Variants in STX1B observed in about 807,000 individuals in gnomAD.
The protein encoded by STX1B is syntaxin-1B.
Under a neutral mutation model 39.4 loss-of-function variants are expected in STX1B, and 7 were observed. That is an observed-to-expected ratio of 0.18 (90% CI 0.10 to 0.33). The LOEUF (loss-of-function observed/expected upper bound fraction) is 0.33. Ranked by LOEUF, STX1B falls within the 10% of genes least tolerant of loss-of-function variation. The pLI, the probability that STX1B is intolerant of heterozygous loss-of-function variation, is 1.00. For missense variants in STX1B, 198 were observed against 383.2 expected (o/e 0.52, Z 4.04); for synonymous variants, 136 against 144.1 (o/e 0.94, Z 0.40).
chr16:31,001,510 GGC>G lies in STX1B; in HGVS notation c.105+17_105+18del, dbSNP rs1341630439. ...TGCTGGGGCTGGGGCTGGGGCTGGG[GGC>G]CTTGGAGGCCCATTACCTGTTCAAA... On this transcript the variant is annotated intron_variant, in intron 2 of 9. Transcript: ENST00000215095. This position sits in a 1 kb window ranked among gnomAD's most constrained non-coding sequence, Gnocchi z 5.5. 6.3e-7 allele frequency: 1 copy of G among 1,590,884 alleles called. No individual in the cohort carries two copies. The highest frequency in any genetic ancestry group is 8.6e-7 in the Non-Finnish European group (1 of 1,167,046).
rs2056627307 is a variant in STX1B at position 31,001,316 on chromosome 16, G to A, written c.106-123C>T. ...AACGGCTGATAAAAGGCCAGGGAGG[G>A]TGCAGGAGCAGGGAAGTGGGGGACA... is the stretch of plus-strand genomic sequence containing the variant. On this transcript the variant is annotated intron_variant, in intron 2 of 9. Transcript: ENST00000215095. The surrounding 1 kb of genome is among the most constrained non-coding windows in gnomAD (Gnocchi z 5.5). 5.0e-6 allele frequency: 5 copies of A among 998,962 alleles called. No homozygotes were observed. The highest frequency in any genetic ancestry group is 2.7e-5 in the South Asian group (2 of 73,840). The allele number at this position is 998,962 out of a possible 1,614,324, so 61.9% of individuals were successfully genotyped here.
In STX1B at chr16:31,001,724, A is replaced by AGGAGGGGTCCTG. The variant is rs2056631308; in HGVS notation, c.31-133_31-122dup. The AGGAGGGGTCCTG allele has an allele frequency of 1.4e-6, 1 of 734,136 alleles. No individual in the cohort carries two copies. Among genetic ancestry groups the AGGAGGGGTCCTG allele is most frequent in the Non-Finnish European group, 2.2e-6 (1 of 450,422 alleles). The allele number at this position is 734,136 out of a possible 1,614,324, so 45.5% of individuals were successfully genotyped here. A position where few individuals can be genotyped will look rare whatever the true frequency, so the allele number is the denominator to read the frequency against. On this transcript the variant is annotated intron_variant, in intron 1 of 9. Coordinates refer to ENST00000215095, the MANE Select transcript of STX1B (RefSeq NM_052874.5). The surrounding 1 kb of genome is among the most constrained non-coding windows in gnomAD (Gnocchi z 5.5). Reference sequence around the variant, plus strand: ...CAGGTGCTCCCAGCTCTAGGCTCAGAGGAGGGGTCCTGGGAGGGGTCCCAT... The same window carrying AGGAGGGGTCCTG: ...CAGGTGCTCCCAGCTCTAGGCTCAGAGGAGGGGTCCTGGGAGGGGTCCTGGGAGGGGTCCCAT...
rs780465943 is a variant in STX1B, at chr16:30,993,329, G to C, written c.675+18C>G. ...CCCAGGGAGGCTCCCAGAGTGGCAT[G>C]GGTGGCAGAGCCAGTACCTGGCTCT... is the stretch of plus-strand genomic sequence containing the variant. On this transcript the variant is annotated intron_variant, in intron 8 of 9. Transcript: ENST00000215095. 3 of 1,613,838 alleles carry C rather than the reference G, an allele frequency of 1.9e-6. No individual in the cohort carries two copies. The highest frequency in any genetic ancestry group is 1.7e-6 in the Non-Finnish European group (2 of 1,179,712).
At chr16:31,009,806 C>A (rs950575822) in intron 1 of STX1B, among the ~76,000 whole-genome samples, 1 of 151,944 alleles carries the variant, frequency 6.6e-6, no homozygotes, top group Non-Finnish European at 1.5e-5. Context: ...CCCTCTGGCT[C>A]TCTCCGGAGG....
In STX1B at chr16:30,992,643, G is replaced by GGA; in HGVS notation, c.*177_*178insTC. The GGA allele has an allele frequency of 1.5e-5, 4 of 264,976 alleles. No individual in the cohort carries two copies. The highest frequency in any genetic ancestry group is 2.0e-5 in the Non-Finnish European group (3 of 153,810). The allele number at this position is 264,976 out of a possible 1,614,324, so 16.4% of individuals were successfully genotyped here. A position where few individuals can be genotyped will look rare whatever the true frequency, so the allele number is the denominator to read the frequency against. On this transcript the variant is annotated 3_prime_UTR_variant, in exon 10 of 10. Transcript: ENST00000215095. ...CTGCTGCGATCTACGTGCGGGGACG[G>GGA]GGGGGGGGTCCATGGCCCGGTGAGG...
At chr16:30,996,531 C>A (rs2056592806) in intron 7 of STX1B, 152 bp downstream of exon 7, 1 of 691,884 alleles carries the variant, frequency 1.4e-6, no homozygotes, top group African/African-American at 1.8e-5. Flanking sequence ...GGGGTGCCTT[C>A]CTGCTCCGCT....
chr16:30,993,070 C>T, intron 9 of STX1B, 60 bp downstream of exon 9: 1 of 1,547,846 alleles, frequency 6.5e-7, no homozygotes, highest in East Asian at 2.2e-5. Flanking sequence ...CATCACTCAC[C>T]TCAGCCCGGG....
chr16:30,997,665 A>G, intron 4 of STX1B, 90 bp from the exon 5 acceptor site: 2 of 1,269,254 alleles, frequency 1.6e-6, no homozygotes. Context: ...ACCCCGCGGC[A>G]GCGCCAGGCC....
chr16:30,993,292 G>C, intron 8 of STX1B, 52 bp from the exon 9 acceptor site: 1 of 1,613,460 alleles, frequency 6.2e-7, no homozygotes, highest in Non-Finnish European at 8.5e-7. Context: ...GGCTGGAAGA[G>C]GGGACCTCAG....
chr16:31,003,205 T>C lies in STX1B; in HGVS notation c.31-1602A>G, dbSNP rs1460248133. Among the ~76,000 whole-genome samples, 9 of 152,328 alleles carry C rather than the reference T, an allele frequency of 5.9e-5. No individual in the cohort carries two copies. In the East Asian group the frequency reaches 1.5e-3, roughly 26 times the overall value. On this transcript the variant is annotated intron_variant, in intron 1 of 9. Transcript: ENST00000215095. Reference sequence around the variant, plus strand: ...CTCCAGGGAGTCTTCACACAGACGCTGGGCCCACACTGTGTCGGAAAATGT... The same window carrying C: ...CTCCAGGGAGTCTTCACACAGACGCCGGGCCCACACTGTGTCGGAAAATGT...
chr16:30,994,206 G>C (rs2056578712), intron 7 of STX1B, among the ~76,000 whole-genome samples: 1 of 151,486 alleles, frequency 6.6e-6, no homozygotes, highest in African/African-American at 2.4e-5. Flanking sequence ...GCAGGAGAAT[G>C]GCGTGAACCC....
At chr16:31,010,239 GGTGCTCCGGCTACCAA>G (rs998215404) in intron 1 of STX1B, 112 bp downstream of exon 1, 1 of 636,520 alleles carries the variant, frequency 1.6e-6, no homozygotes. Flanking sequence ...AAGATACTGG[GGTGCTCCGGCTACCAA>G]CCTCCGATCT....
Position 30,997,036 on chromosome 16 carries a change from G to A in STX1B, c.378C>T (p.Phe126=), listed in dbSNP as rs2143669433. 2.5e-6 allele frequency: 4 copies of A among 1,612,588 alleles called. No homozygotes were observed. Among genetic ancestry groups the A allele is most frequent in the Middle Eastern group, 1.7e-4 (1 of 6,060 alleles). The change falls in exon 6 of 10, where the codon TTC becomes TTT. Residue 126 remains phenylalanine (F), a synonymous_variant. Coordinates refer to ENST00000215095, the MANE Select transcript of STX1B (RefSeq NM_052874.5). ...CGTTATATTCGGTCATTACCTCCAC[G>A]AACTTCCGGGACAGTGTGGAGTGCT... ...KTQHSTLSRK[F]VEVMTEYNAT... is the part of the protein sequence containing the mutation.
intron 1 of STX1B, among the ~76,000 whole-genome samples, chr16:31,003,975 A>G (rs1381520099): frequency 6.6e-6 from 1 of 152,210 alleles, no homozygotes; most frequent in Admixed American, 6.5e-5. Flanking sequence ...ATAGGGCCAG[A>G]AAACCATGGG....
intron 4 of STX1B, among the ~76,000 whole-genome samples, chr16:30,997,946 G>T (rs1464668633): frequency 6.6e-6 from 1 of 152,218 alleles, no homozygotes; most frequent in African/African-American, 2.4e-5. Context: ...TGTATGTGGG[G>T]TGCTCCCTAC....
rs769439356 is a variant in STX1B, at chr16:30,997,057, G to A, written c.357C>T (p.His119=). The A allele has an allele frequency of 6.2e-7, 1 of 1,610,302 alleles. No homozygotes were observed. The highest frequency in any genetic ancestry group is 1.1e-5 in the South Asian group (1 of 90,824). Residue 119 remains histidine (H), a splice_region_variant and synonymous_variant, in exon 6 of 10, where the codon CAC becomes CAT. Transcript: ENST00000215095. ...CCACGAACTTCCGGGACAGTGTGGA[G>A]TGCTACGGTGGGGGTGGGGGGACAG... is the stretch of plus-strand genomic sequence containing the variant. ...SADLRIRKTQ[H]STLSRKFVEV...
chr16:30,999,720 C>T (rs950165300), intron 4 of STX1B, among the ~76,000 whole-genome samples: 2 of 152,164 alleles, frequency 1.3e-5, no homozygotes, highest in South Asian at 2.1e-4. Context: ...TGTGCCATGC[C>T]GGGGGCCTGC....
Position 31,001,306 on chromosome 16 carries a change from G to C in STX1B, c.106-113C>G, listed in dbSNP as rs1280957960. Reference sequence around the variant, plus strand: ...CCAGCCCCAGAACGGCTGATAAAAGGCCAGGGAGGGTGCAGGAGCAGGGAA... The same window carrying C: ...CCAGCCCCAGAACGGCTGATAAAAGCCCAGGGAGGGTGCAGGAGCAGGGAA... On this transcript the variant is annotated intron_variant, in intron 2 of 9. Coordinates refer to ENST00000215095, the MANE Select transcript of STX1B (RefSeq NM_052874.5). The surrounding 1 kb of genome is among the most constrained non-coding windows in gnomAD (Gnocchi z 5.5). The C allele has an allele frequency of 2.8e-6, 3 of 1,059,328 alleles. No individual in the cohort carries two copies. Among genetic ancestry groups the C allele is most frequent in the Non-Finnish European group, 4.2e-6 (3 of 706,240 alleles). The allele number at this position is 1,059,328 out of a possible 1,614,324, so 65.6% of individuals were successfully genotyped here. A position where few individuals can be genotyped will look rare whatever the true frequency, so the allele number is the denominator to read the frequency against.
chr16:30,997,495 C>T lies in STX1B; in HGVS notation c.354+7G>A. The T allele has an allele frequency of 1.2e-6, 2 of 1,601,140 alleles. No individual in the cohort carries two copies. The highest frequency in any genetic ancestry group is 1.7e-6 in the Non-Finnish European group (2 of 1,174,884). ...GACCCGACCCCCAATGGGCTGCCGC[C>T]TCCTACCTGGGTCTTGCGGATGCGC... On this transcript the variant is annotated splice_region_variant and intron_variant, in intron 5 of 9. Coordinates refer to ENST00000215095, the MANE Select transcript of STX1B (RefSeq NM_052874.5).
Sources: gnomAD v4.1 joint callset for allele counts (sites outside exome capture counted in the v4.1 genomes callset) on GRCh38, gnomAD v4.1.1 for gene constraint, Gnocchi (gnomAD v3.1) non-coding constraint, MANE v1.5 for transcripts, NCBI Gene and HGNC (gene_info 2026-07-23, HGNC 2026-07-21) for gene names.